TGFBR2: variants seen among roughly 807,000 people sequenced by gnomAD.
TGFBR2 encodes TGF-beta receptor type-2.
Under a neutral mutation model 49.0 loss-of-function variants are expected in TGFBR2, and 18 were observed. That is an observed-to-expected ratio of 0.37 (90% CI 0.25 to 0.54). TGFBR2 has a LOEUF of 0.54. Ranked by LOEUF, TGFBR2 falls within the 20% of genes least tolerant of loss-of-function variation. The pLI, the probability that TGFBR2 is intolerant of heterozygous loss-of-function variation, is 0.85. For missense variants in TGFBR2, 525 were observed against 722.6 expected (o/e 0.73, Z 3.13); for synonymous variants, 282 against 275.9 (o/e 1.02, Z -0.22).
chr3:30,666,174 T>G (rs1699239177), intron 3 of TGFBR2, among the ~76,000 whole-genome samples: 1 of 152,192 alleles, frequency 6.6e-6, no homozygotes, highest in African/African-American at 2.4e-5. Flanking sequence ...CTAAAAATGT[T>G]TACTATTATA....
At chr3:30,649,723 C>T (rs761062560) in intron 2 of TGFBR2, among the ~76,000 whole-genome samples, 11 of 151,978 alleles carry the variant, frequency 7.2e-5, no homozygotes, top group Admixed American at 7.2e-4. Flanking sequence ...CAGCTGTTGA[C>T]AAGGAGTATA....
intron 1 of TGFBR2, among the ~76,000 whole-genome samples, chr3:30,630,069 C>A (rs1221125879): frequency 1.3e-5 from 2 of 152,168 alleles, no homozygotes; most frequent in Admixed American, 6.5e-5. Flanking sequence ...CATTTTTACA[C>A]TGGACATCAC....
At chr3:30,659,249 A>G (rs760342182) in intron 3 of TGFBR2, among the ~76,000 whole-genome samples, 5 of 152,198 alleles carry the variant, frequency 3.3e-5, no homozygotes, top group Non-Finnish European at 5.9e-5. Context: ...GTGTGGAAAT[A>G]TGGTTGAGAA....
chr3:30,668,600 C>A (rs1699284405), intron 3 of TGFBR2, among the ~76,000 whole-genome samples: 1 of 152,054 alleles, frequency 6.6e-6, no homozygotes, highest in African/African-American at 2.4e-5. Context: ...CTTTTGCATT[C>A]AATCATTCTG....
intron 1 of TGFBR2, among the ~76,000 whole-genome samples, chr3:30,621,182 G>T (rs1302069815): frequency 6.6e-6 from 1 of 151,942 alleles, no homozygotes; most frequent in Admixed American, 6.6e-5. Context: ...GAATTCTGGA[G>T]CTACCACTGA....
intron 6 of TGFBR2, 106 bp downstream of exon 6, chr3:30,688,617 G>A (rs1699663786): frequency 6.8e-7 from 1 of 1,478,576 alleles, no homozygotes; most frequent in Non-Finnish European, 9.3e-7. Context: ...AGGTCCCATT[G>A]TGTTCTATGG....
At chr3:30,645,860 C>G (rs1276492453) in intron 2 of TGFBR2, among the ~76,000 whole-genome samples, 2 of 151,920 alleles carry the variant, frequency 1.3e-5, no homozygotes, top group Non-Finnish European at 2.9e-5. Flanking sequence ...CCAACTCATA[C>G]ATACATCTCA....
At chr3:30,668,754 T>A (rs564248022) in intron 3 of TGFBR2, among the ~76,000 whole-genome samples, 1 of 152,230 alleles carries the variant, frequency 6.6e-6, no homozygotes, top group South Asian at 2.1e-4. Context: ...TGCATTCATA[T>A]ATCTTTCCAA....
chr3:30,607,792 A>AT (rs1491417341), intron 1 of TGFBR2, among the ~76,000 whole-genome samples: 1 of 135,822 alleles, frequency 7.4e-6, no homozygotes, highest in African/African-American at 3.1e-5. Flanking sequence ...AAAAATAAAA[A>AT]TAAAAAAATA....
Position 30,691,037 on chromosome 3 carries a change from C to T in TGFBR2, c.1525-383C>T, listed in dbSNP as rs571842911. ...CTTTCCACTCAATTTTGCTGTGAAG[C>T]GAGAACTTCTCTAAATAGAAAGGTG... On this transcript the variant is annotated intron_variant, in intron 6 of 6. Transcript: ENST00000295754. 3.9e-5 allele frequency among the ~76,000 whole-genome samples: 6 copies of T among 152,198 alleles called. No homozygotes were observed. The East Asian group carries it at 1.2e-3, about 29-fold the overall frequency.
At position 30,606,803 on chromosome 3, in the gene TGFBR2, C is replaced by A; in HGVS notation, c.-81C>A. ...GGCGCGGGGTCCGGAGAGGGCGCGG[C>A]GCGGAGGCGCAGCCAGGGGTCCGGG... On this transcript the variant is annotated 5_prime_UTR_variant, in exon 1 of 7. Transcript: ENST00000295754. The A allele has an allele frequency of 9.4e-7, 1 of 1,067,304 alleles. No homozygotes were observed. The highest frequency in any genetic ancestry group is 1.2e-6 in the Non-Finnish European group (1 of 813,652). 66.1% of individuals were successfully genotyped at this position (1,067,304 alleles called of 1,614,324 possible). A position where few individuals can be genotyped will look rare whatever the true frequency, so the allele number is the denominator to read the frequency against.
intron 3 of TGFBR2, among the ~76,000 whole-genome samples, chr3:30,656,635 G>A (rs1468361646): frequency 6.6e-6 from 1 of 152,190 alleles, no homozygotes; most frequent in East Asian, 1.9e-4. Context: ...CAAGGAGGAT[G>A]AAGGGAGGCA....
intron 3 of TGFBR2, among the ~76,000 whole-genome samples, chr3:30,667,352 A>G (rs1699263978): frequency 6.6e-6 from 1 of 152,182 alleles, no homozygotes; most frequent in Non-Finnish European, 1.5e-5. Context: ...TAGCAACCCA[A>G]GGGTTAATAC....
intron 3 of TGFBR2, among the ~76,000 whole-genome samples, chr3:30,657,148 C>G (rs866942975): frequency 6.6e-6 from 1 of 152,168 alleles, no homozygotes; most frequent in African/African-American, 2.4e-5. Context: ...CATAGAAGAA[C>G]CAGATAATCT....
intron 1 of TGFBR2, among the ~76,000 whole-genome samples, chr3:30,613,521 TATGTGA>T (rs1698069434): frequency 2.4e-5 from 3 of 124,006 alleles, no homozygotes; most frequent in Admixed American, 2.4e-4. Flanking sequence ...TGTGTGTCTG[TATGTGA>T]GAGAGAGAGA....
At chr3:30,621,554 T>TA (rs1698232616) in intron 1 of TGFBR2, among the ~76,000 whole-genome samples, 1 of 152,238 alleles carries the variant, frequency 6.6e-6, no homozygotes, top group South Asian at 2.1e-4. Context: ...GTGCTGGGAT[T>TA]ACAGGCATGG....
intron 1 of TGFBR2, among the ~76,000 whole-genome samples, chr3:30,628,137 G>A (rs1386689478): frequency 7.4e-6 from 1 of 134,696 alleles, no homozygotes; most frequent in Non-Finnish European, 1.6e-5. Flanking sequence ...TTAATCATCT[G>A]TGTTTTTAGT....
At position 30,678,560 on chromosome 3, in the gene TGFBR2, A is replaced by AT. The variant is rs1265637699; in HGVS notation, c.1396+4314_1396+4315insT. On this transcript the variant is annotated intron_variant, in intron 5 of 6. Coordinates refer to ENST00000295754, the MANE Select transcript of TGFBR2 (RefSeq NM_003242.6). The stretch of plus-strand genomic sequence containing the variant: ...AAGACTGCGTCTAAAAAAAAAAAAA[A>AT]AAAAAAAAGAGGTATGGTCCACCTC... Among the ~76,000 whole-genome samples the AT allele has an allele frequency of 2.1e-4, 32 of 151,590 alleles. 1 individual carries two copies. The highest frequency in any genetic ancestry group is 2.4e-4 in the Non-Finnish European group (16 of 67,834).
In TGFBR2 at chr3:30,671,810, C is replaced by A. The variant is rs1699343570; in HGVS notation, c.627C>A (p.Leu209=). 1 of 1,614,084 alleles carries A rather than the reference C, an allele frequency of 6.2e-7. No individual in the cohort carries two copies. Among genetic ancestry groups the A allele is most frequent in the Admixed American group, 1.7e-5 (1 of 60,002 alleles). The change falls in exon 4 of 7, where the codon CTC becomes CTA. Residue 209 remains leucine (L), a synonymous_variant. Coordinates refer to ENST00000295754, the MANE Select transcript of TGFBR2 (RefSeq NM_003242.6). ...STWETGKTRK[L]MEFSEHCAII... is the part of the protein sequence containing the mutation. Reference sequence around the variant, plus strand: ...GGGAAACCGGCAAGACGCGGAAGCTCATGGAGTTCAGCGAGCACTGTGCCA... The same window carrying A: ...GGGAAACCGGCAAGACGCGGAAGCTAATGGAGTTCAGCGAGCACTGTGCCA...
Sources: allele counts gnomAD v4.1 joint callset (sites outside exome capture counted in the v4.1 genomes callset), GRCh38; gene constraint gnomAD v4.1.1; transcripts MANE v1.5; gene names NCBI Gene and HGNC (gene_info 2026-07-23, HGNC 2026-07-21).